Variants in IL1RAPL2 observed in about 807,000 individuals in gnomAD.
The protein encoded by IL1RAPL2 is X-linked interleukin-1 receptor accessory protein-like 2.
IL1RAPL2 carries 3 observed loss-of-function variants against 44.1 expected under a neutral mutation model. The observed-to-expected ratio is 0.07, with a 90% CI of 0.03 to 0.18. IL1RAPL2 has a LOEUF of 0.18. Among genes scored for constraint, IL1RAPL2 ranks in the 10% least tolerant of loss-of-function variants. The pLI is 1.00. For missense variants in IL1RAPL2, 391 were observed against 496.4 expected (o/e 0.79, Z 2.02); for synonymous variants, 181 against 178.8 (o/e 1.01, Z -0.10).
At chrX:104,655,771 G>A (rs1216371901) in intron 1 of IL1RAPL2, among the ~76,000 whole-genome samples, 1 of 111,467 alleles carries the variant, frequency 9.0e-6, no homozygotes, top group Admixed American at 9.5e-5. Flanking sequence ...TTGTACCTCT[G>A]GTAGAATTTG....
intron 2 of IL1RAPL2, among the ~76,000 whole-genome samples, chrX:104,845,350 C>G (rs1364329692): frequency 8.9e-6 from 1 of 112,101 alleles, no homozygotes; most frequent in Non-Finnish European, 1.9e-5. Flanking sequence ...ATACTTATGT[C>G]ATCAGTGGTA....
At chrX:104,904,892 T>TG (rs1201956762) in intron 2 of IL1RAPL2, among the ~76,000 whole-genome samples, 1 of 111,195 alleles carries the variant, frequency 9.0e-6, no homozygotes, top group Non-Finnish European at 1.9e-5. Flanking sequence ...ACTTCCACAA[T>TG]GGTTGAACTA....
chrX:105,613,261 G>A (rs930322307), intron 6 of IL1RAPL2, among the ~76,000 whole-genome samples: 1 of 111,392 alleles, frequency 9.0e-6, no homozygotes, highest in Non-Finnish European at 1.9e-5. Flanking sequence ...GGAAGGACAC[G>A]GTCCAGGTAG....
intron 5 of IL1RAPL2, among the ~76,000 whole-genome samples, chrX:105,476,517 G>A (rs2036198578): frequency 9.0e-6 from 1 of 111,621 alleles, no homozygotes; most frequent in Admixed American, 9.5e-5. Context: ...TTTGTGGTGA[G>A]CCTATCACAA....
chrX:104,591,397 A>G (rs765144936), intron 1 of IL1RAPL2, among the ~76,000 whole-genome samples: 15 of 111,814 alleles, frequency 1.3e-4, no homozygotes, highest in Admixed American at 1.9e-4. Context: ...GTAATATACT[A>G]TAGCCTATCA....
chrX:105,117,114 A>G (rs761640325), intron 2 of IL1RAPL2, among the ~76,000 whole-genome samples: 1 of 112,239 alleles, frequency 8.9e-6, no homozygotes, highest in Non-Finnish European at 1.9e-5. Context: ...ACCACCATTC[A>G]AAACATTTTG....
intron 2 of IL1RAPL2, among the ~76,000 whole-genome samples, chrX:105,176,306 C>T (rs1602992997): frequency 9.0e-6 from 1 of 111,167 alleles, no homozygotes; most frequent in South Asian, 3.9e-4. Flanking sequence ...GGCCAGCATA[C>T]TGGGTAGTTA....
intron 2 of IL1RAPL2, among the ~76,000 whole-genome samples, chrX:104,715,644 G>A (rs371749523): frequency 1.9e-5 from 2 of 103,775 alleles, no homozygotes; most frequent in Non-Finnish European, 3.9e-5. Flanking sequence ...GCCAAGCCAC[G>A]AACCAAATCA....
intron 1 of IL1RAPL2, among the ~76,000 whole-genome samples, chrX:104,644,805 T>C (rs1418617163): frequency 9.0e-6 from 1 of 111,462 alleles, no homozygotes; most frequent in Non-Finnish European, 1.9e-5. Flanking sequence ...CTCTTTCCTA[T>C]CACAGCTAAT....
intron 2 of IL1RAPL2, among the ~76,000 whole-genome samples, chrX:104,689,611 A>T (rs192700967): frequency 6.0e-4 from 67 of 112,046 alleles, no homozygotes; most frequent in African/African-American, 2.0e-3. Context: ...CTGCTGGTAT[A>T]GCTTCCGTTG....
At chrX:105,157,005 C>T (rs2033274459) in intron 2 of IL1RAPL2, among the ~76,000 whole-genome samples, 1 of 107,704 alleles carries the variant, frequency 9.3e-6, no homozygotes, top group Non-Finnish European at 1.9e-5. Context: ...AGGCAAGGCA[C>T]TTGGCATTCC....
intron 1 of IL1RAPL2, among the ~76,000 whole-genome samples, chrX:104,655,327 T>C (rs1311100829): frequency 9.0e-6 from 1 of 111,367 alleles, no homozygotes; most frequent in Non-Finnish European, 1.9e-5. Flanking sequence ...ATGGCTCTTA[T>C]TATTTTGAGA....
At chrX:104,936,596 T>C (rs1302057116) in intron 2 of IL1RAPL2, among the ~76,000 whole-genome samples, 2 of 107,304 alleles carry the variant, frequency 1.9e-5, no homozygotes, top group Non-Finnish European at 3.8e-5. Context: ...TATAAGCAGA[T>C]GGAGAAAATT....
intron 2 of IL1RAPL2, among the ~76,000 whole-genome samples, chrX:105,043,800 G>A (rs1031470516): frequency 1.8e-5 from 2 of 110,997 alleles, no homozygotes; most frequent in Non-Finnish European, 3.8e-5. Context: ...ATATTTGCCT[G>A]GTCCATATTT....
At chrX:104,880,849 C>G (rs1055960393) in intron 2 of IL1RAPL2, among the ~76,000 whole-genome samples, 1 of 111,876 alleles carries the variant, frequency 8.9e-6, no homozygotes, top group African/African-American at 3.2e-5. Context: ...AATCCTTCAA[C>G]ACGCCATCAA....
rs1469693667 is a variant in IL1RAPL2, at chrX:105,751,664, G to C, written c.1192+2561G>C. On this transcript the variant is annotated intron_variant, in intron 9 of 10. Coordinates refer to ENST00000372582, the MANE Select transcript of IL1RAPL2 (RefSeq NM_017416.2). Reference sequence around the variant, plus strand: ...AATATGGGGAGAGGGTACTTCAAGTGTTTTCATTAGGAAGGATGGTTAAAA... The same window carrying C: ...AATATGGGGAGAGGGTACTTCAAGTCTTTTCATTAGGAAGGATGGTTAAAA... Among the ~76,000 whole-genome samples, 3 of 111,556 alleles carry C rather than the reference G, an allele frequency of 2.7e-5. No individual in the cohort carries two copies. The East Asian group carries it at 8.5e-4, about 32-fold the overall frequency.
intron 5 of IL1RAPL2, among the ~76,000 whole-genome samples, chrX:105,352,277 T>TGAAA (rs779693531): frequency 9.0e-6 from 1 of 111,217 alleles, no homozygotes; most frequent in Non-Finnish European, 1.9e-5. Flanking sequence ...ATCCAAAATC[T>TGAAA]GAAAGCTACT....
intron 2 of IL1RAPL2, among the ~76,000 whole-genome samples, chrX:105,157,286 GCT>G (rs755583508): frequency 1.9e-5 from 2 of 107,402 alleles, no homozygotes; most frequent in African/African-American, 3.4e-5. Flanking sequence ...TAACTACAAA[GCT>G]CTCTCTCTCT....
At chrX:105,330,887 T>C (rs1234150166) in intron 5 of IL1RAPL2, among the ~76,000 whole-genome samples, 4 of 111,551 alleles carry the variant, frequency 3.6e-5, no homozygotes, top group Non-Finnish European at 7.5e-5. Flanking sequence ...TCTTCCACAT[T>C]GCAACCAGAA....
Sources: allele counts gnomAD v4.1 joint callset (sites outside exome capture counted in the v4.1 genomes callset), GRCh38; gene constraint gnomAD v4.1.1; transcripts MANE v1.5; gene names NCBI Gene and HGNC (gene_info 2026-07-23, HGNC 2026-07-21).